Variants in PCGF3 observed in about 807,000 individuals in gnomAD.
PCGF3 encodes the protein polycomb group RING finger protein 3.
A neutral mutation model predicts 33.1 loss-of-function variants in PCGF3; 7 were observed. That is an observed-to-expected ratio of 0.21 (90% confidence interval 0.12 to 0.40). The LOEUF (loss-of-function observed/expected upper bound fraction) is 0.40. Among genes scored for constraint, PCGF3 ranks in the 10% least tolerant of loss-of-function variants. The probability of loss-of-function intolerance (pLI) is 1.00; values close to 1 mark genes in which losing one functional copy is unlikely to be tolerated. For missense variants in PCGF3, 211 were observed against 313.3 expected (o/e 0.67, Z 2.46); for synonymous variants, 153 against 121.3 (o/e 1.26, Z -1.72).
intron 10 of PCGF3, among the ~76,000 whole-genome samples, chr4:765,490 GTCTT>G: frequency 6.6e-6 from 1 of 152,274 alleles, no homozygotes; most frequent in Middle Eastern, 3.4e-3. Flanking sequence ...CACAGTTCTG[GTCTT>G]TCTGAAATCA....
intron 8 of PCGF3, among the ~76,000 whole-genome samples, chr4:756,474 A>G (rs1744774917): frequency 6.6e-6 from 1 of 152,060 alleles, no homozygotes; most frequent in African/African-American, 2.4e-5. Flanking sequence ...CAGCCTCCCA[A>G]AGTGCTGGGA....
chr4:734,080 C>T lies in PCGF3; in HGVS notation c.109+291C>T, dbSNP rs537541814. 1.1e-5 allele frequency: 17 copies of T among 1,550,710 alleles called. No individual in the cohort carries two copies. In the East Asian group the frequency reaches 2.4e-4, roughly 22 times the overall value. On this transcript the variant is annotated intron_variant, in intron 4 of 10. Coordinates refer to ENST00000362003, the Ensembl canonical transcript of PCGF3. ...GGCCAGTAGCCGCTGTGACAGTGCTCACTGCTGGCAGTTTCCAAATCTCCA... is the reference window on the plus strand; with the variant it reads ...GGCCAGTAGCCGCTGTGACAGTGCTTACTGCTGGCAGTTTCCAAATCTCCA...
chr4:729,577 C>T (rs1337551453), intron 1 of PCGF3, among the ~76,000 whole-genome samples: 1 of 152,098 alleles, frequency 6.6e-6, no homozygotes, highest in Non-Finnish European at 1.5e-5. Flanking sequence ...TGGCTTTGAG[C>T]CTGGCTTCAT....
chr4:732,841 C>G (rs970204283), intron 3 of PCGF3, among the ~76,000 whole-genome samples: 6 of 152,264 alleles, frequency 3.9e-5, no homozygotes, highest in Admixed American at 6.5e-5. Context: ...CCCCACCAGC[C>G]TCCGCACGCG....
intron 9 of PCGF3, chr4:764,341 G>C (rs1745239521): frequency 6.6e-6 from 1 of 152,260 alleles, no homozygotes; most frequent in African/African-American, 2.4e-5. Context: ...TTGCACTATG[G>C]TGAGAGGGAG....
At chr4:753,436 C>G (rs371152102) in intron 8 of PCGF3, among the ~76,000 whole-genome samples, 1 of 152,122 alleles carries the variant, frequency 6.6e-6, no homozygotes, top group Non-Finnish European at 1.5e-5. Context: ...AGGCGGATCA[C>G]AAGGTCAGGA....
intron 9 of PCGF3, chr4:761,883 G>A: frequency 2.0e-6 from 2 of 985,460 alleles, no homozygotes; most frequent in Non-Finnish European, 2.4e-6. Context: ...TGACACCATG[G>A]GGATGCAGGC....
chr4:714,717 G>C (rs961635595), intron 1 of PCGF3, among the ~76,000 whole-genome samples: 25 of 152,292 alleles, frequency 1.6e-4, no homozygotes, highest in African/African-American at 5.1e-4. Context: ...CCAGGCCAGC[G>C]GAGACATAGG....
At chr4:734,059 A>T in intron 4 of PCGF3, 9 of 1,550,672 alleles carry the variant, frequency 5.8e-6, no homozygotes, top group Non-Finnish European at 7.8e-6. Context: ...CAGCAAGGCC[A>T]GTAGCCGCTG....
intron 8 of PCGF3, among the ~76,000 whole-genome samples, chr4:760,823 C>T (rs928972603): frequency 2.0e-5 from 3 of 152,268 alleles, no homozygotes; most frequent in Non-Finnish European, 4.4e-5. Flanking sequence ...TGCTGGTCAC[C>T]TGGAAGGCAG....
intron 3 of PCGF3, among the ~76,000 whole-genome samples, chr4:732,243 C>T (rs1157815522): frequency 7.0e-6 from 1 of 143,334 alleles, no homozygotes; most frequent in African/African-American, 2.6e-5. Flanking sequence ...GGGTGGGGCT[C>T]CCCCTCCCCT....
chr4:744,074 G>A (rs939358155), intron 7 of PCGF3: 1 of 166,044 alleles, frequency 6.0e-6, no homozygotes, highest in Non-Finnish European at 1.3e-5. Flanking sequence ...GTGACAGTTG[G>A]AGGGTGGGAG....
exon 1 of PCGF3, chr4:705,950 C>T (rs532346876): frequency 1.3e-5 from 2 of 152,284 alleles, no homozygotes; most frequent in South Asian, 4.1e-4. Flanking sequence ...GCCTTGCTCG[C>T]CCGCAGCCCC....
chr4:736,894 T>C (rs60933762), intron 5 of PCGF3, among the ~76,000 whole-genome samples: 1 of 49,474 alleles, frequency 2.0e-5, no homozygotes. Flanking sequence ...CTGGGGTGTC[T>C]GCAGGGACGG....
At chr4:766,154 G>T in exon 11 of PCGF3, 1 of 1,205,088 alleles carries the variant, frequency 8.3e-7, no homozygotes. Context: ...TAAGAACATT[G>T]CCTCTGGGTG....
intron 8 of PCGF3, among the ~76,000 whole-genome samples, chr4:754,552 TA>T (rs1417959598): frequency 6.6e-6 from 1 of 151,704 alleles, no homozygotes; most frequent in Non-Finnish European, 1.5e-5. Flanking sequence ...AGGCAGGAGG[TA>T]GTGAGCTGGG....
chr4:740,626 A>C (rs1291134654), intron 6 of PCGF3, among the ~76,000 whole-genome samples: 2 of 152,102 alleles, frequency 1.3e-5, no homozygotes, highest in African/African-American at 4.8e-5. Context: ...ACAGTGTCTC[A>C]TGCCTGTAAC....
intron 9 of PCGF3, chr4:762,008 G>A: frequency 4.1e-6 from 4 of 985,408 alleles, no homozygotes; most frequent in Non-Finnish European, 4.8e-6. Flanking sequence ...GGACGCAGGA[G>A]AGGCCAGCGC....
At chr4:734,037 C>G in intron 4 of PCGF3, 7 of 1,550,712 alleles carry the variant, frequency 4.5e-6, no homozygotes, top group South Asian at 1.2e-5. Flanking sequence ...ACCCCACATT[C>G]CTCCCACGGA....
Sources: gnomAD v4.1 joint callset for allele counts (sites outside exome capture counted in the v4.1 genomes callset) on GRCh38, gnomAD v4.1.1 for gene constraint, MANE v1.5 for transcripts, NCBI Gene and HGNC (gene_info 2026-07-23, HGNC 2026-07-21) for gene names.